The following RASGEF1C variants were observed in gnomAD, a reference collection of about 807,000 sequenced individuals.
RASGEF1C encodes the protein ras-GEF domain-containing family member 1C.
Under a neutral mutation model 58.1 loss-of-function variants are expected in RASGEF1C, and 27 were observed. That is an observed-to-expected ratio of 0.46 (90% CI 0.34 to 0.64). The LOEUF (loss-of-function observed/expected upper bound fraction) is 0.64, where lower values mean the gene tolerates loss of function less well. Among genes scored for constraint, RASGEF1C ranks in the 30% least tolerant of loss-of-function variants. The pLI, the probability that RASGEF1C is intolerant of heterozygous loss-of-function variation, is 0.01. For synonymous variants in RASGEF1C, 243 were observed against 246.3 expected (o/e 0.99, Z 0.13); for missense variants, 502 against 605.1 (o/e 0.83, Z 1.79).
chr5:180,127,265 G>C (rs1766278018), intron 6 of RASGEF1C, among the ~76,000 whole-genome samples: 1 of 152,160 alleles, frequency 6.6e-6, no homozygotes, highest in South Asian at 2.1e-4. Flanking sequence ...GGCGCACGGG[G>C]TCCCGGAGCG....
At chr5:180,138,995 T>C (rs1019643014) in intron 1 of RASGEF1C, among the ~76,000 whole-genome samples, 1 of 152,080 alleles carries the variant, frequency 6.6e-6, no homozygotes, top group Non-Finnish European at 1.5e-5. Context: ...CCTTGTTGGG[T>C]GCCTGGGTGC....
chr5:180,115,053 C>CA (rs1326416243), intron 10 of RASGEF1C, among the ~76,000 whole-genome samples: 1 of 151,686 alleles, frequency 6.6e-6, no homozygotes, highest in Non-Finnish European at 1.5e-5. Flanking sequence ...CTCACTCTGT[C>CA]ACCCAGGCTG....
chr5:180,142,272 T>TG (rs1290094673), intron 1 of RASGEF1C, among the ~76,000 whole-genome samples: 1 of 152,136 alleles, frequency 6.6e-6, no homozygotes, highest in Non-Finnish European at 1.5e-5. Context: ...GGGTTCCGCT[T>TG]CCTACCCATG....
intron 1 of RASGEF1C, among the ~76,000 whole-genome samples, chr5:180,152,650 A>C (rs954455383): frequency 6.6e-6 from 1 of 151,516 alleles, no homozygotes; most frequent in African/African-American, 2.4e-5. Context: ...CCAACATGGC[A>C]CATGTATACA....
chr5:180,190,504 A>C, intron 1 of RASGEF1C, among the ~76,000 whole-genome samples: 1 of 94,160 alleles, frequency 1.1e-5, no homozygotes, highest in Non-Finnish European at 2.4e-5. Context: ...AAAAAAAAAA[A>C]AAAATAATAA....
rs969796570 is a variant in RASGEF1C at position 180,109,330 on chromosome 5, T to A, written c.1303+2127A>T. 2.6e-5 allele frequency among the ~76,000 whole-genome samples: 4 copies of A among 152,004 alleles called. No individual in the cohort carries two copies. In the South Asian group the frequency reaches 8.3e-4, roughly 32 times the overall value. ...AAAATTAGCCGGGCGTGGTGGTGGG[T>A]GCCTGTAGTCCCAGCTACTCGGGAG... On this transcript the variant is annotated intron_variant, in intron 12 of 13. Transcript: ENST00000361132.
At chr5:180,189,863 C>T (rs539406585) in intron 1 of RASGEF1C, among the ~76,000 whole-genome samples, 7 of 121,436 alleles carry the variant, frequency 5.8e-5, no homozygotes, top group Middle Eastern at 8.1e-3. Context: ...GCAGAGGTTG[C>T]AGTGAGCTGA....
chr5:180,138,134 T>C (rs1453081034), intron 1 of RASGEF1C, 76 bp from the exon 2 acceptor site: 1 of 912,854 alleles, frequency 1.1e-6, no homozygotes, highest in African/African-American at 1.7e-5. Context: ...GAGCTGCTGG[T>C]CCCGGGGCTC....
At chr5:180,138,865 T>G (rs1448459764) in intron 1 of RASGEF1C, among the ~76,000 whole-genome samples, 1 of 152,106 alleles carries the variant, frequency 6.6e-6, no homozygotes, top group Non-Finnish European at 1.5e-5. Context: ...TCTCCCACCA[T>G]CTTCACTCCC....
intron 1 of RASGEF1C, among the ~76,000 whole-genome samples, chr5:180,159,698 C>T (rs922634669): frequency 3.9e-5 from 6 of 152,208 alleles, no homozygotes; most frequent in African/African-American, 1.4e-4. Context: ...GTTGGGAGCA[C>T]CCCCTTAACT....
chr5:180,125,430 A>G (rs1386496131), intron 6 of RASGEF1C, among the ~76,000 whole-genome samples: 1 of 152,232 alleles, frequency 6.6e-6, no homozygotes, highest in African/African-American at 2.4e-5. Context: ...AGGATAAAAT[A>G]AGGATGCCAG....
intron 7 of RASGEF1C, 96 bp downstream of exon 7, chr5:180,120,964 T>C (rs979852791): frequency 1.8e-5 from 15 of 845,916 alleles, no homozygotes; most frequent in South Asian, 8.2e-5. Context: ...TGAATAAGAC[T>C]CAAGGTGTCC....
chr5:180,137,740 A>C lies in RASGEF1C; in HGVS notation c.178-28T>G. The C allele has an allele frequency of 6.2e-7, 1 of 1,611,152 alleles. No individual in the cohort carries two copies. The highest frequency in any genetic ancestry group is 8.5e-7 in the Non-Finnish European group (1 of 1,178,654). ...GGGGGACACACGAGAAAGAGGGCAC[A>C]GGCTCAGGAGGGCACCAGGAGGGGC... On this transcript the variant is annotated intron_variant, in intron 2 of 13. Coordinates refer to ENST00000361132, the MANE Select transcript of RASGEF1C (RefSeq NM_175062.4). This position sits in a 1 kb window ranked among gnomAD's most constrained non-coding sequence, Gnocchi z 4.1.
chr5:180,208,947 C>T (rs1756545703), intron 1 of RASGEF1C, 81 bp downstream of exon 1: 1 of 147,298 alleles, frequency 6.8e-6, no homozygotes, highest in Non-Finnish European at 1.5e-5. Flanking sequence ...CCCCGCCGCG[C>T]CGCCGGCAGC....
chr5:180,202,538 T>C (rs1427747149), intron 1 of RASGEF1C, among the ~76,000 whole-genome samples: 2 of 152,162 alleles, frequency 1.3e-5, no homozygotes, highest in Non-Finnish European at 2.9e-5. Context: ...CATGTTTATA[T>C]CAGACATCTT....
At chr5:180,133,569 T>C (rs1766405431) in intron 4 of RASGEF1C, among the ~76,000 whole-genome samples, 1 of 152,054 alleles carries the variant, frequency 6.6e-6, no homozygotes, top group Admixed American at 6.5e-5. Flanking sequence ...CACAGCACTT[T>C]CTATCATTTT....
chr5:180,182,584 G>A (rs1422387913), intron 1 of RASGEF1C, among the ~76,000 whole-genome samples: 3 of 152,032 alleles, frequency 2.0e-5, no homozygotes, highest in Non-Finnish European at 2.9e-5. Flanking sequence ...GTGTTGATTG[G>A]TGCATTTTTA....
chr5:180,118,556 A>C, intron 10 of RASGEF1C, 53 bp downstream of exon 10: 1 of 1,476,994 alleles, frequency 6.8e-7, no homozygotes, highest in Non-Finnish European at 9.2e-7. Flanking sequence ...ACTCTGAGCC[A>C]GCACCCAGGT....
rs1408062378 is a variant in RASGEF1C at position 180,136,643 on chromosome 5, G to C, written c.301-128C>G. On this transcript the variant is annotated intron_variant, in intron 3 of 13. Coordinates refer to ENST00000361132, the MANE Select transcript of RASGEF1C (RefSeq NM_175062.4). ...CTCGTGCCCTCTCTGTGCCAGGGAG[G>C]AGGAGGGGGGTGCGATCCTGCTCTG... is the stretch of plus-strand genomic sequence containing the variant. 3.9e-6 allele frequency: 4 copies of C among 1,016,072 alleles called. No homozygotes were observed. The Admixed American group carries it at 1.1e-4, about 29-fold the overall frequency. 62.9% of individuals were successfully genotyped at this position (1,016,072 alleles called of 1,614,324 possible).
Sources: allele counts gnomAD v4.1 joint callset (sites outside exome capture counted in the v4.1 genomes callset), GRCh38; gene constraint gnomAD v4.1.1; non-coding constraint Gnocchi (gnomAD v3.1); transcripts MANE v1.5; gene names NCBI Gene and HGNC (gene_info 2026-07-23, HGNC 2026-07-21).